The following ECE2 variants were observed in gnomAD, a reference collection of about 807,000 sequenced individuals.
The protein encoded by ECE2 is endothelin converting enzyme 2.
Under a neutral mutation model 100.6 loss-of-function variants are expected in ECE2, and 81 were observed. The observed-to-expected ratio is 0.81, with a 90% confidence interval of 0.67 to 0.97. ECE2 has a LOEUF of 0.97. ECE2 is among the 50% of genes least tolerant of loss of function. The probability of loss-of-function intolerance (pLI) is 0.00; values close to 1 mark genes in which losing one functional copy is unlikely to be tolerated. For synonymous variants in ECE2, 391 were observed against 391.5 expected, an observed-to-expected ratio of 1.00 and a Z score of 0.02; for missense variants, 911 against 988.1, an observed-to-expected ratio of 0.92 and a Z score of 1.05.
rs192602550 is a variant in ECE2 at position 184,292,185 on chromosome 3, G to A, written c.2245G>A (p.Gly749Ser). 64 of 1,614,092 alleles carry A rather than the reference G, an allele frequency of 4.0e-5. No individual in the cohort carries two copies. In the African/African-American group the frequency reaches 6.8e-4, roughly 17 times the overall value. ...CTCCCGTGACTTCCTGCGGCACTTC[G>A]GCTGCCCTGTCGGCTCCCCCATGAA... is the stretch of plus-strand genomic sequence containing the variant. The part of the protein sequence containing the change: ...SNSRDFLRHF[G>S]CPVGSPMNPG... Residue 749 changes from glycine to serine, a missense_variant, in exon 19 of 19, where the codon GGC (glycine) becomes AGC (serine). Coordinates refer to ENST00000404464, the MANE Select transcript of ECE2 (RefSeq NM_001100121.2).
chr3:184,276,505 C>T lies in ECE2; in HGVS notation c.64C>T (p.Leu22Phe). 6.2e-7 allele frequency: 1 copy of T among 1,610,952 alleles called. No individual in the cohort carries two copies. The highest frequency in any genetic ancestry group is 8.5e-7 in the Non-Finnish European group (1 of 1,179,710). The change falls in exon 2 of 19, where the codon CTT becomes TTT. Residue 22 changes from leucine (L) to phenylalanine (F), a missense_variant. Coordinates refer to ENST00000404464, the MANE Select transcript of ECE2 (RefSeq NM_001100121.2). ...SNMVEYKRAT[L>F]RDEDAPETPV... ...GATGGTGGAGTACAAACGGGCCACGCTTCGGGATGAAGACGCACCCGAGAC... is the reference window on the plus strand; with the variant it reads ...GATGGTGGAGTACAAACGGGCCACGTTTCGGGATGAAGACGCACCCGAGAC...
rs1055485015 is a variant in ECE2, at chr3:184,278,149, C to T, written c.604-18C>T. The T allele has an allele frequency of 6.2e-7, 1 of 1,613,890 alleles. No individual in the cohort carries two copies. The highest frequency in any genetic ancestry group is 8.5e-7 in the Non-Finnish European group (1 of 1,179,926). ...GGGAGCTCCTGCACTAATCATTCCA[C>T]TTATGGTCTCTACATAGATTGGTGG... On this transcript the variant is annotated intron_variant, in intron 5 of 18. Coordinates refer to ENST00000404464, the MANE Select transcript of ECE2 (RefSeq NM_001100121.2).
intron 11 of ECE2, 45 bp downstream of exon 11, chr3:184,287,992 T>C: frequency 6.4e-7 from 1 of 1,556,838 alleles, no homozygotes; most frequent in East Asian, 2.2e-5. Context: ...CAAAATTGAC[T>C]GTTCATGTAT....
rs746045247 is a variant in ECE2, at chr3:184,285,612, C to A, written c.1263+20C>A. 1.3e-6 allele frequency: 2 copies of A among 1,558,186 alleles called. No individual in the cohort carries two copies. The highest frequency in any genetic ancestry group is 2.2e-5 in the South Asian group (2 of 89,924). ...AAGAAGGTGGGCTTTCTGATTTTGC[C>A]TCCACGTTCTGATCCAGTCTAACCG... On this transcript the variant is annotated intron_variant, in intron 10 of 18. Coordinates refer to ENST00000404464, the MANE Select transcript of ECE2 (RefSeq NM_001100121.2).
At position 184,287,921 on chromosome 3, in the gene ECE2, A is replaced by C; in HGVS notation, c.1348A>C (p.Thr450Pro). The C allele has an allele frequency of 9.9e-6, 16 of 1,614,186 alleles. No homozygotes were observed. The highest frequency in any genetic ancestry group is 1.4e-5 in the Non-Finnish European group (16 of 1,180,004). ...FALGSLFVKA[T>P]FDRQSKEIAE... ...TTTGGGGTCCCTCTTCGTGAAGGCC[A>C]CGTTTGACCGGCAAAGCAAAGAAAT... is the stretch of plus-strand genomic sequence containing the variant. The change falls in exon 11 of 19, where the codon ACG (threonine) becomes CCG (proline). Residue 450 changes from threonine (T) to proline (P), a missense_variant. By Grantham distance (38) the Thr-to-Pro change is conservative. Transcript: ENST00000404464.
At chr3:184,278,134 G>A (rs762578242) in intron 5 of ECE2, 33 bp from the exon 6 acceptor site, 1 of 1,613,604 alleles carries the variant, frequency 6.2e-7, no homozygotes, top group African/African-American at 1.3e-5. Flanking sequence ...GGGAGCTCCT[G>A]CACTAATCAT....
At position 184,278,153 on chromosome 3, in the gene ECE2, T is replaced by C. The variant is rs781095986; in HGVS notation, c.604-14T>C. 1 of 1,613,964 alleles carries C rather than the reference T, an allele frequency of 6.2e-7. No homozygotes were observed. The highest frequency in any genetic ancestry group is 1.1e-5 in the South Asian group (1 of 91,068). ...GCTCCTGCACTAATCATTCCACTTA[T>C]GGTCTCTACATAGATTGGTGGTTGG... is the stretch of plus-strand genomic sequence containing the variant. On this transcript the variant is annotated splice_polypyrimidine_tract_variant and intron_variant, in intron 5 of 18. Transcript: ENST00000404464.
chr3:184,290,742 G>A, intron 15 of ECE2, 51 bp from the exon 16 acceptor site: 1 of 1,612,808 alleles, frequency 6.2e-7, no homozygotes, highest in Non-Finnish European at 8.5e-7. Context: ...CTGGAGGTGG[G>A]ATTCAGAAGT....
At chr3:184,278,830 G>A (rs991073415) in intron 7 of ECE2, 38 of 504,488 alleles carry the variant, frequency 7.5e-5, no homozygotes, top group Middle Eastern at 1.1e-3. Flanking sequence ...ATAAGTTTCC[G>A]AGCCATTGCC....
rs998289221 is a variant in ECE2, at chr3:184,289,202, G to A, written c.1375-235G>A. On this transcript the variant is annotated intron_variant, in intron 11 of 18. Coordinates refer to ENST00000404464, the MANE Select transcript of ECE2 (RefSeq NM_001100121.2). The surrounding 1 kb of genome is among the most constrained non-coding windows in gnomAD (Gnocchi z 4.1). ...ACTATATTAAATTATAATATAATTT[G>A]ATGAACTTATTGTCAATTAAAATGT... is the stretch of plus-strand genomic sequence containing the variant. Among the ~76,000 whole-genome samples the A allele has an allele frequency of 3.3e-5, 5 of 151,636 alleles. No individual in the cohort carries two copies. Among genetic ancestry groups the A allele is most frequent in the Admixed American group, 3.3e-4 (5 of 15,198 alleles).
At chr3:184,284,127 A>G (rs888447160) in intron 8 of ECE2, among the ~76,000 whole-genome samples, 154 bp downstream of exon 8, 2 of 151,990 alleles carry the variant, frequency 1.3e-5, no homozygotes, top group Non-Finnish European at 2.9e-5. Flanking sequence ...TGTCCTGGGG[A>G]AAAAAATGGT....
chr3:184,290,617 C>T lies in ECE2; in HGVS notation c.1716C>T (p.Val572=), dbSNP rs780606274. 2 of 1,614,220 alleles carry T rather than the reference C, an allele frequency of 1.2e-6. No individual in the cohort carries two copies. Among genetic ancestry groups the T allele is most frequent in the South Asian group, 1.1e-5 (1 of 91,080 alleles). The change falls in exon 15 of 19, where the codon GTC becomes GTT. Residue 572 remains valine (V), a synonymous_variant. Coordinates refer to ENST00000404464, the MANE Select transcript of ECE2 (RefSeq NM_001100121.2). The part of the protein sequence containing the change: ...AYYLPTKNEI[V]FPAGILQAPF... ...ACCTTCCAACTAAGAATGAGATCGT[C>T]TTCCCCGCTGGCATCCTGCAGGCCC...
chr3:184,290,769 C>T, intron 15 of ECE2, 24 bp from the exon 16 acceptor site: 1 of 1,614,010 alleles, frequency 6.2e-7, no homozygotes, highest in Non-Finnish European at 8.5e-7. Context: ...GCCATGTCCT[C>T]ACTTGCTATT....
rs1263474713 is a variant in ECE2 at position 184,278,016 on chromosome 3, G to T, written c.570G>T (p.Leu190=). The T allele has an allele frequency of 6.2e-7, 1 of 1,614,082 alleles. No individual in the cohort carries two copies. The highest frequency in any genetic ancestry group is 1.7e-5 in the Admixed American group (1 of 60,026). The stretch of plus-strand genomic sequence containing the variant: ...TACAGGTGGAGCGCATTGAGGAGCT[G>T]GGAGCCCAGCCACTGAGAGACCTCA... ...SCLQVERIEE[L]GAQPLRDLIE... is the part of the protein sequence containing the mutation. The change falls in exon 5 of 19, where the codon CTG becomes CTT. Residue 190 remains leucine, a synonymous_variant. Coordinates refer to ENST00000404464, the MANE Select transcript of ECE2 (RefSeq NM_001100121.2).
rs374829979 is a variant in ECE2 at position 184,277,704 on chromosome 3, C to T, written c.479-221C>T. ...CTCTGCACTCTGTTTGGAGCACTGT[C>T]GTGGTGTGGTAGACACCAGGGAGCC... On this transcript the variant is annotated intron_variant, in intron 4 of 18. Coordinates refer to ENST00000404464, the MANE Select transcript of ECE2 (RefSeq NM_001100121.2). 1.5e-4 allele frequency among the ~76,000 whole-genome samples: 23 copies of T among 152,292 alleles called. No individual in the cohort carries two copies. In the South Asian group the frequency reaches 1.7e-3, roughly 11 times the overall value.
At chr3:184,278,634 A>C (rs1262580347) in intron 7 of ECE2, 77 bp downstream of exon 7, 1 of 1,533,376 alleles carries the variant, frequency 6.5e-7, no homozygotes, top group Non-Finnish European at 9.0e-7. Context: ...TCCCTTTGCC[A>C]AGGGTCAGAG....
intron 7 of ECE2, 73 bp from the exon 8 acceptor site, chr3:184,283,712 T>C: frequency 6.8e-7 from 1 of 1,467,210 alleles, no homozygotes; most frequent in South Asian, 1.3e-5. Context: ...TGGGCAGAGG[T>C]GGTGGTAAGA....
Position 184,290,621 on chromosome 3 carries a change from C to T in ECE2, c.1720C>T (p.Pro574Ser). The change falls in exon 15 of 19, where the codon CCC becomes TCC. Residue 574 changes from proline (P) to serine (S), a missense_variant. By Grantham distance (74) the Pro-to-Ser change is moderately conservative. Transcript: ENST00000404464. The part of the protein sequence containing the change: ...YLPTKNEIVF[P>S]AGILQAPFYA... The stretch of plus-strand genomic sequence containing the variant: ...TCCAACTAAGAATGAGATCGTCTTC[C>T]CCGCTGGCATCCTGCAGGCCCCCTT... The T allele has an allele frequency of 6.2e-7, 1 of 1,614,190 alleles. No homozygotes were observed. Among genetic ancestry groups the T allele is most frequent in the South Asian group, 1.1e-5 (1 of 91,082 alleles).
rs779578445 is a variant in ECE2 at position 184,289,536 on chromosome 3, G to A, written c.1473+1G>A. ...GACCCGCCAGGCAGCCAAGGAGAAA[G>A]TGAGCGGTGGCTAGGGTTGGGGCGC... On this transcript the variant is annotated splice_donor_variant, in intron 12 of 18. Coordinates refer to ENST00000404464, the MANE Select transcript of ECE2 (RefSeq NM_001100121.2). LOFTEE classifies it high-confidence loss of function. This position sits in a 1 kb window ranked among gnomAD's most constrained non-coding sequence, Gnocchi z 4.1. The A allele has an allele frequency of 6.2e-7, 1 of 1,613,558 alleles. No homozygotes were observed. The highest frequency in any genetic ancestry group is 8.5e-7 in the Non-Finnish European group (1 of 1,179,728).
Sources: gnomAD v4.1 joint callset for allele counts (sites outside exome capture counted in the v4.1 genomes callset) on GRCh38, gnomAD v4.1.1 for gene constraint, Gnocchi (gnomAD v3.1) non-coding constraint, MANE v1.5 for transcripts, NCBI Gene and HGNC (gene_info 2026-07-23, HGNC 2026-07-21) for gene names.